Variants in SEMA5B observed in about 807,000 individuals in gnomAD.
SEMA5B encodes the protein semaphorin-5B.
Under a neutral mutation model 135.0 loss-of-function variants are expected in SEMA5B, and 66 were observed. The observed-to-expected ratio is 0.49, with a 90% CI of 0.40 to 0.60. The LOEUF is 0.60. Ranked by LOEUF, SEMA5B falls within the 20% of genes least tolerant of loss-of-function variation. SEMA5B has a pLI of 0.00. For synonymous variants in SEMA5B, 690 were observed against 639.5 expected (o/e 1.08, Z -1.19); for missense variants, 1,501 against 1,566.3 (o/e 0.96, Z 0.70).
In SEMA5B at chr3:122,923,505, C is replaced by T. The variant is rs72970509; in HGVS notation, c.1272+112G>A. ...GACCCCAGAGATGGGCATGGACTGG[C>T]AGGGACGGGTCTGGTGTCTGTCTGT... On this transcript the variant is annotated intron_variant, in intron 10 of 22. Coordinates refer to ENST00000357599, the MANE Select transcript of SEMA5B (RefSeq NM_001031702.4). The T allele has an allele frequency of 3.7e-3, 4,491 of 1,206,466 alleles. 123 individuals carry two copies. In the African/African-American group the frequency reaches 0.059, roughly 16 times the overall value. The allele number at this position is 1,206,466 out of a possible 1,614,324, so 74.7% of individuals were successfully genotyped here. A position where few individuals can be genotyped will look rare whatever the true frequency, so the allele number is the denominator to read the frequency against.
chr3:122,961,066 A>C, intron 2 of SEMA5B, 74 bp downstream of exon 2: 1 of 1,458,134 alleles, frequency 6.9e-7, no homozygotes, highest in Non-Finnish European at 9.3e-7. Context: ...GCCCCAGATG[A>C]GGGGGTCTTC....
At chr3:123,004,921 C>A (rs1413007997) in intron 1 of SEMA5B, among the ~76,000 whole-genome samples, 2 of 152,268 alleles carry the variant, frequency 1.3e-5, no homozygotes, top group African/African-American at 4.8e-5. Flanking sequence ...TCAGTCTGAC[C>A]AAACCTCACA....
chr3:122,955,739 T>G (rs60920808), intron 2 of SEMA5B, among the ~76,000 whole-genome samples: 1 of 152,372 alleles, frequency 6.6e-6, no homozygotes, highest in East Asian at 1.9e-4. Flanking sequence ...GAGAGACTGC[T>G]TTGATACACC....
intron 12 of SEMA5B, among the ~76,000 whole-genome samples, chr3:122,917,683 C>T (rs549004589): frequency 6.6e-6 from 1 of 152,184 alleles, no homozygotes; most frequent in East Asian, 1.9e-4. Context: ...ATAAGCGAGG[C>T]AATCATGGGA....
intron 1 of SEMA5B, among the ~76,000 whole-genome samples, chr3:123,004,299 G>A (rs1942251343): frequency 6.6e-6 from 1 of 152,164 alleles, no homozygotes; most frequent in Admixed American, 6.5e-5. Flanking sequence ...TGTCTAGCAA[G>A]AAGGGACATC....
intron 1 of SEMA5B, among the ~76,000 whole-genome samples, chr3:122,996,930 G>A (rs886351778): frequency 1.3e-5 from 2 of 152,174 alleles, no homozygotes; most frequent in Non-Finnish European, 2.9e-5. Flanking sequence ...CTCGCCAAGG[G>A]AGGATTAGTT....
At chr3:122,929,970 C>G (rs1446979355) in intron 5 of SEMA5B, among the ~76,000 whole-genome samples, 1 of 152,208 alleles carries the variant, frequency 6.6e-6, no homozygotes, top group Non-Finnish European at 1.5e-5. Context: ...TGTCAACAGC[C>G]CTGGCGTGGC....
At chr3:122,974,556 C>T (rs1026414023) in intron 1 of SEMA5B, among the ~76,000 whole-genome samples, 6 of 152,136 alleles carry the variant, frequency 3.9e-5, no homozygotes, top group South Asian at 2.1e-4. Context: ...GGCAGGGACA[C>T]GTGCCTGAGG....
intron 1 of SEMA5B, among the ~76,000 whole-genome samples, chr3:123,024,917 A>G (rs762716825): frequency 3.3e-5 from 5 of 152,194 alleles, no homozygotes; most frequent in Non-Finnish European, 5.9e-5. Context: ...TTGCCTGATC[A>G]ACACACTGTG....
chr3:123,012,831 C>A (rs1417213639), intron 1 of SEMA5B, among the ~76,000 whole-genome samples: 1 of 152,212 alleles, frequency 6.6e-6, no homozygotes, highest in African/African-American at 2.4e-5. Context: ...GAATTGCCTT[C>A]CATCAGCTGT....
At chr3:122,934,937 A>G (rs1419454010) in intron 5 of SEMA5B, among the ~76,000 whole-genome samples, 2 of 151,914 alleles carry the variant, frequency 1.3e-5, no homozygotes, top group Non-Finnish European at 2.9e-5. Flanking sequence ...GGATGTTATG[A>G]TATGTCTGAG....
Position 122,923,632 on chromosome 3 carries a change from G to C in SEMA5B, c.1257C>G (p.Pro419=). The C allele has an allele frequency of 6.2e-7, 1 of 1,614,150 alleles. No homozygotes were observed. Among genetic ancestry groups the C allele is most frequent in the Non-Finnish European group, 8.5e-7 (1 of 1,180,006 alleles). Residue 419 remains proline (P), a synonymous_variant, in exon 10 of 23, where the codon CCC becomes CCG. Transcript: ENST00000357599. The part of the protein sequence containing the change: ...PRAAWLPIAN[P]IPNFQCGTLP... ...GATTCTGTACCTGGAAATTGGGGAT[G>C]GGGTTGGCTATGGGGAGCCAGGCAG...
chr3:122,913,447 C>A, intron 16 of SEMA5B, 23 bp from the exon 17 acceptor site: 1 of 1,560,754 alleles, frequency 6.4e-7, no homozygotes, highest in East Asian at 2.3e-5. Context: ...GCAGAGGCAG[C>A]TTTAGAACCC....
intron 4 of SEMA5B, 108 bp downstream of exon 4, chr3:122,943,328 G>A (rs545793003): frequency 1.4e-6 from 1 of 719,406 alleles, no homozygotes; most frequent in Non-Finnish European, 2.4e-6. Flanking sequence ...CAGAGAGGAT[G>A]GGGCCCAGCA....
chr3:122,939,547 G>A, intron 4 of SEMA5B, 77 bp from the exon 5 acceptor site: 1 of 1,166,756 alleles, frequency 8.6e-7, no homozygotes, highest in Non-Finnish European at 1.3e-6. Context: ...CCTGGCTTGG[G>A]CCTCCTGGGA....
intron 2 of SEMA5B, among the ~76,000 whole-genome samples, chr3:122,960,313 G>T (rs1002303178): frequency 6.6e-6 from 1 of 152,102 alleles, no homozygotes; most frequent in Non-Finnish European, 1.5e-5. Context: ...CTTACAGGAC[G>T]GTGTGAATGA....
Position 122,948,117 on chromosome 3 carries a change from C to T in SEMA5B, c.328+389G>A, listed in dbSNP as rs528418615. ...CCCAAGACCCTAAAGAGAGGGATCC[C>T]TGCAGCCCCTTAGAGCAGAAGGAAG... On this transcript the variant is annotated intron_variant, in intron 3 of 22. Transcript: ENST00000357599. Among the ~76,000 whole-genome samples the T allele has an allele frequency of 8.5e-5, 13 of 152,234 alleles. No individual in the cohort carries two copies. The South Asian group carries it at 2.7e-3, about 32-fold the overall frequency.
intron 1 of SEMA5B, among the ~76,000 whole-genome samples, chr3:123,009,786 G>A (rs182601066): frequency 6.6e-6 from 1 of 152,180 alleles, no homozygotes; most frequent in African/African-American, 2.4e-5. Context: ...GATATAGGAG[G>A]GGAAAACTGG....
intron 4 of SEMA5B, 33 bp from the exon 5 acceptor site, chr3:122,939,503 G>T (rs557959838): frequency 1.9e-6 from 3 of 1,590,166 alleles, no homozygotes; most frequent in African/African-American, 2.7e-5. Context: ...CCTAAGTGAC[G>T]CTGGTTCTGC....
Sources: allele counts gnomAD v4.1 joint callset (sites outside exome capture counted in the v4.1 genomes callset), GRCh38; gene constraint gnomAD v4.1.1; transcripts MANE v1.5; gene names NCBI Gene and HGNC (gene_info 2026-07-23, HGNC 2026-07-21).